L3MBTL3: variants seen among roughly 807,000 people sequenced by gnomAD.
L3MBTL3 encodes the protein lethal(3)malignant brain tumor-like protein 3.
L3MBTL3 carries 27 observed loss-of-function variants against 102.3 expected under a neutral mutation model. That is an observed-to-expected ratio of 0.26 (90% confidence interval 0.19 to 0.36). The LOEUF (loss-of-function observed/expected upper bound fraction) is 0.36, where lower values mean the gene tolerates loss of function less well. Ranked by LOEUF, L3MBTL3 falls within the 10% of genes least tolerant of loss-of-function variation. L3MBTL3 has a pLI of 1.00. For synonymous variants in L3MBTL3, 340 were observed against 320.9 expected (o/e 1.06, Z -0.64); for missense variants, 798 against 955.3 (o/e 0.84, Z 2.17).
At position 130,123,380 on chromosome 6, in the gene L3MBTL3, G is replaced by GTA. The variant is rs1308585804; in HGVS notation, c.1966+2423_1966+2424dup. On this transcript the variant is annotated intron_variant, in intron 20 of 22. Coordinates refer to ENST00000361794, the MANE Select transcript of L3MBTL3 (RefSeq NM_032438.4). ...ATTTATTTTTATTGTTTTTTTACCT[G>GTA]TAAAACCTGTAGTTCAATGTGCATG... Among the ~76,000 whole-genome samples the GTA allele has an allele frequency of 1.1e-4, 16 of 151,722 alleles. No individual in the cohort carries two copies. In the East Asian group the frequency reaches 2.7e-3, roughly 26 times the overall value.
chr6:130,094,472 C>A, intron 18 of L3MBTL3, 105 bp downstream of exon 18: 1 of 569,208 alleles, frequency 1.8e-6, no homozygotes, highest in Non-Finnish European at 2.8e-6. Flanking sequence ...ATTTTAAATT[C>A]AGATCCATAA....
chr6:130,025,189 G>T (rs968273315), intron 2 of L3MBTL3, among the ~76,000 whole-genome samples: 3 of 152,170 alleles, frequency 2.0e-5, no homozygotes, highest in Non-Finnish European at 4.4e-5. Flanking sequence ...ATTTGGGAAT[G>T]CTTATAGTAT....
intron 3 of L3MBTL3, among the ~76,000 whole-genome samples, chr6:130,045,255 A>G (rs911421435): frequency 2.0e-5 from 3 of 151,502 alleles, no homozygotes; most frequent in Non-Finnish European, 4.4e-5. Context: ...TCCCACTGCC[A>G]CTCTTGTTTT....
At chr6:130,041,849 G>A (rs1473479337) in intron 2 of L3MBTL3, among the ~76,000 whole-genome samples, 2 of 152,162 alleles carry the variant, frequency 1.3e-5, no homozygotes, top group Non-Finnish European at 2.9e-5. Context: ...GGGGAGAATT[G>A]TGAGAAATGG....
chr6:130,063,568 A>G (rs1782049379), intron 10 of L3MBTL3, among the ~76,000 whole-genome samples: 1 of 152,124 alleles, frequency 6.6e-6, no homozygotes, highest in African/African-American at 2.4e-5. Flanking sequence ...ATTTTTGTCT[A>G]CTGATCAGTG....
intron 3 of L3MBTL3, among the ~76,000 whole-genome samples, chr6:130,044,325 A>G (rs937211470): frequency 1.3e-5 from 2 of 152,166 alleles, no homozygotes; most frequent in Non-Finnish European, 2.9e-5. Flanking sequence ...TACTATGTAC[A>G]GTGCCATTTT....
At chr6:130,120,369 G>T (rs1268489726) in intron 19 of L3MBTL3, among the ~76,000 whole-genome samples, 1 of 152,158 alleles carries the variant, frequency 6.6e-6, no homozygotes, top group Non-Finnish European at 1.5e-5. Flanking sequence ...GTCAGAAAGA[G>T]GTGAAATCAC....
At chr6:130,115,722 TGTC>T (rs1785626883) in intron 19 of L3MBTL3, among the ~76,000 whole-genome samples, 1 of 152,236 alleles carries the variant, frequency 6.6e-6, no homozygotes, top group Admixed American at 6.5e-5. Flanking sequence ...TGGATTCCAC[TGTC>T]TTTATTAAAA....
intron 18 of L3MBTL3, among the ~76,000 whole-genome samples, chr6:130,102,103 A>C (rs951158675): frequency 7.7e-6 from 1 of 130,528 alleles, no homozygotes; most frequent in African/African-American, 3.0e-5. Context: ...CTCAGGGGGA[A>C]AAAAAAAAGG....
intron 19 of L3MBTL3, among the ~76,000 whole-genome samples, chr6:130,112,681 A>T (rs948394076): frequency 1.8e-4 from 27 of 152,034 alleles, no homozygotes; most frequent in African/African-American, 6.0e-4. Flanking sequence ...GATTCAGGGC[A>T]TCCTCATCGG....
chr6:130,112,085 C>G (rs1371461638), intron 19 of L3MBTL3, among the ~76,000 whole-genome samples: 14 of 152,212 alleles, frequency 9.2e-5, no homozygotes. Flanking sequence ...GATTCACTCT[C>G]CTTTCCTCAG....
At position 130,084,306 on chromosome 6, in the gene L3MBTL3, G is replaced by T. The variant is rs564239114; in HGVS notation, c.1407+601G>T. 3.4e-4 allele frequency among the ~76,000 whole-genome samples: 51 copies of T among 152,106 alleles called. 1 individual carries two copies. Among genetic ancestry groups the T allele is most frequent in the Admixed American group, 3.1e-3 (47 of 15,266 alleles). On this transcript the variant is annotated intron_variant, in intron 15 of 22. Transcript: ENST00000361794. ...CTCATTTTTTCATCTCAAATAGCTT[G>T]CTTTATGATTTAGATTTCTCATGAA...
chr6:130,086,229 C>T lies in L3MBTL3; in HGVS notation c.1497C>T (p.Asp499=), dbSNP rs145851938. Residue 499 remains aspartate (D), a synonymous_variant, in exon 16 of 23, where the codon GAC becomes GAT. Coordinates refer to ENST00000361794, the MANE Select transcript of L3MBTL3 (RefSeq NM_032438.4). ...PMFIRVATVA[D]TDDHRVKVHF... is the part of the protein sequence containing the mutation. ...TTATTAGAGTAGCAACTGTGGCAGA[C>T]ACAGATGATCACCGGGTAAAAGTAA... 4 of 1,608,414 alleles carry T rather than the reference C, an allele frequency of 2.5e-6. No individual in the cohort carries two copies. The highest frequency in any genetic ancestry group is 3.4e-6 in the Non-Finnish European group (4 of 1,175,774).
chr6:130,084,778 C>T (rs17759656), intron 15 of L3MBTL3, among the ~76,000 whole-genome samples: 9,628 of 152,262 alleles, frequency 0.063, 448 homozygotes, highest in Non-Finnish European at 0.1. Context: ...TTTTAGGTGT[C>T]TTGCATTGAC....
chr6:130,029,563 C>T (rs972660560), intron 2 of L3MBTL3, among the ~76,000 whole-genome samples: 2 of 151,602 alleles, frequency 1.3e-5, no homozygotes, highest in Non-Finnish European at 2.9e-5. Context: ...CAGCTATTGA[C>T]CTTACATCGG....
chr6:130,101,979 C>T (rs1270299259), intron 18 of L3MBTL3, among the ~76,000 whole-genome samples: 2 of 152,128 alleles, frequency 1.3e-5, no homozygotes, highest in Admixed American at 1.3e-4. Flanking sequence ...TTTTGCTGAG[C>T]TACTTCATTG....
intron 10 of L3MBTL3, among the ~76,000 whole-genome samples, chr6:130,065,032 A>T (rs1056952733): frequency 3.3e-5 from 5 of 150,938 alleles, no homozygotes; most frequent in African/African-American, 1.2e-4. Flanking sequence ...TACCTGAGAG[A>T]TTGTATTTCC....
chr6:130,052,765 AT>A (rs370420518), intron 6 of L3MBTL3, 93 bp from the exon 7 acceptor site: 717 of 1,357,358 alleles, frequency 5.3e-4, no homozygotes, highest in South Asian at 9.1e-4. Context: ...TTGCAGGGTG[AT>A]TTTTTTTTAA....
chr6:130,090,197 C>CATATATATATATATAT (rs67532079), intron 16 of L3MBTL3, among the ~76,000 whole-genome samples: 1 of 150,650 alleles, frequency 6.6e-6, no homozygotes, highest in Non-Finnish European at 1.5e-5. Context: ...ATTTTAAGCA[C>CATATATATATATATAT]ATATATATAT....
Sources: gnomAD v4.1 joint callset for allele counts (sites outside exome capture counted in the v4.1 genomes callset) on GRCh38, gnomAD v4.1.1 for gene constraint, MANE v1.5 for transcripts, NCBI Gene and HGNC (gene_info 2026-07-23, HGNC 2026-07-21) for gene names.